Variants in TMEM131L observed in about 807,000 individuals in gnomAD.
The protein encoded by TMEM131L is transmembrane 131 like, also known as transmembrane protein 131-like.
A neutral mutation model predicts 192.2 loss-of-function variants in TMEM131L; 54 were observed. That is an observed-to-expected ratio of 0.28 (90% CI 0.23 to 0.35). TMEM131L has a LOEUF of 0.35. Ranked by LOEUF, TMEM131L falls within the 10% of genes least tolerant of loss-of-function variation. The pLI is 1.00. For synonymous variants in TMEM131L, 701 were observed against 704.9 expected (o/e 0.99, Z 0.09); for missense variants, 1,888 against 1,972.9 (o/e 0.96, Z 0.82).
rs538038202 is a variant in TMEM131L, at chr4:153,492,585, T to C, written c.239+18697T>C. 5.3e-5 allele frequency among the ~76,000 whole-genome samples: 8 copies of C among 152,264 alleles called. No homozygotes were observed. The South Asian group carries it at 1.2e-3, about 24-fold the overall frequency. On this transcript the variant is annotated intron_variant, in intron 3 of 34. Coordinates refer to ENST00000409959, the MANE Select transcript of TMEM131L (RefSeq NM_001131007.2). ...TGATTAGAAGAAAATATAATAGTAA[T>C]ATGAAACTGGCATGGCATGCCTGCT... is the stretch of plus-strand genomic sequence containing the variant.
intron 3 of TMEM131L, among the ~76,000 whole-genome samples, chr4:153,514,534 T>C (rs573496048): frequency 1.3e-5 from 2 of 152,328 alleles, no homozygotes; most frequent in Admixed American, 1.3e-4. Context: ...AGATTCTCTT[T>C]AAAGCCCTCT....
intron 3 of TMEM131L, among the ~76,000 whole-genome samples, chr4:153,526,180 C>T (rs1262620927): frequency 1.3e-5 from 2 of 152,130 alleles, no homozygotes; most frequent in Middle Eastern, 3.2e-3. Flanking sequence ...TTCTAACAGA[C>T]TCCCAGGCGA....
intron 3 of TMEM131L, among the ~76,000 whole-genome samples, chr4:153,476,590 G>C (rs986017591): frequency 6.6e-6 from 1 of 151,998 alleles, no homozygotes; most frequent in Non-Finnish European, 1.5e-5. Flanking sequence ...CCAGCTACTC[G>C]GGAGGCTGAG....
At position 153,593,831 on chromosome 4, in the gene TMEM131L, C is replaced by T; in HGVS notation, c.1955C>T (p.Thr652Ile). 6.2e-7 allele frequency: 1 copy of T among 1,613,664 alleles called. No individual in the cohort carries two copies. The highest frequency in any genetic ancestry group is 8.5e-7 in the Non-Finnish European group (1 of 1,179,606). Residue 652 changes from threonine to isoleucine, a missense_variant, in exon 19 of 35, where the codon ACA becomes ATA. By Grantham distance (89) the Thr-to-Ile change is moderately conservative. Coordinates refer to ENST00000409959, the MANE Select transcript of TMEM131L (RefSeq NM_001131007.2). ...FGTDMQMINF[T>I]TGEFQLTEAC... is the part of the protein sequence containing the mutation. ...ACTGATATGCAGATGATTAATTTCA[C>T]AACTGGTGAATTCCAGCTCACCGAA...
chr4:153,613,986 A>G (rs772911497), intron 26 of TMEM131L, among the ~76,000 whole-genome samples: 10 of 152,232 alleles, frequency 6.6e-5, no homozygotes, highest in Non-Finnish European at 1.3e-4. Context: ...ACCAAACACC[A>G]AGATTCATAG....
chr4:153,629,332 A>C (rs1334768539), intron 31 of TMEM131L, among the ~76,000 whole-genome samples: 1 of 152,156 alleles, frequency 6.6e-6, no homozygotes, highest in Non-Finnish European at 1.5e-5. Context: ...CCACCATGTC[A>C]TGCCATTCTC....
At chr4:153,544,515 C>T (rs1737026241) in intron 3 of TMEM131L, among the ~76,000 whole-genome samples, 1 of 152,216 alleles carries the variant, frequency 6.6e-6, no homozygotes, top group Admixed American at 6.5e-5. Context: ...TCCCTTACCC[C>T]TCACACTGGC....
chr4:153,534,792 A>G (rs1736188233), intron 3 of TMEM131L, among the ~76,000 whole-genome samples: 1 of 152,188 alleles, frequency 6.6e-6, no homozygotes, highest in South Asian at 2.1e-4. Context: ...TGGGTGAAGA[A>G]TGTTCCAGAT....
chr4:153,623,364 C>A (rs1266291607), intron 29 of TMEM131L, among the ~76,000 whole-genome samples: 2 of 152,214 alleles, frequency 1.3e-5, no homozygotes, highest in African/African-American at 4.8e-5. Context: ...CTTAATGACA[C>A]CGCATTTGCC....
At chr4:153,562,565 T>C (rs2150526278) in intron 7 of TMEM131L, among the ~76,000 whole-genome samples, 1 of 152,332 alleles carries the variant, frequency 6.6e-6, no homozygotes, top group Middle Eastern at 3.4e-3. Context: ...TTTTATGTTT[T>C]TTACTCTCTG....
intron 21 of TMEM131L, among the ~76,000 whole-genome samples, chr4:153,600,070 A>T (rs1017880993): frequency 6.6e-6 from 1 of 152,174 alleles, no homozygotes; most frequent in Non-Finnish European, 1.5e-5. Flanking sequence ...ATAAATCTTT[A>T]AAAATAACTA....
intron 26 of TMEM131L, among the ~76,000 whole-genome samples, chr4:153,614,474 C>G (rs1732837076): frequency 6.6e-6 from 1 of 152,106 alleles, no homozygotes; most frequent in Non-Finnish European, 1.5e-5. Flanking sequence ...TGCTTTGGCA[C>G]CTTTCTGCAG....
At chr4:153,471,833 T>TA (rs2149724096) in intron 2 of TMEM131L, among the ~76,000 whole-genome samples, 1 of 152,302 alleles carries the variant, frequency 6.6e-6, no homozygotes, top group East Asian at 1.9e-4. Flanking sequence ...TCTCCAGAGA[T>TA]ACAGTGATGA....
intron 7 of TMEM131L, chr4:153,558,587 A>G: frequency 2.9e-6 from 1 of 345,374 alleles, no homozygotes; most frequent in East Asian, 4.3e-5. Flanking sequence ...TGGTCTTTTG[A>G]AATGTTTCCT....
chr4:153,551,752 T>C (rs911579490), intron 4 of TMEM131L, among the ~76,000 whole-genome samples: 1 of 152,196 alleles, frequency 6.6e-6, no homozygotes, highest in African/African-American at 2.4e-5. Flanking sequence ...TTTATAAAAT[T>C]CTAGGTGTCT....
chr4:153,485,296 T>G (rs1393160413), intron 3 of TMEM131L, among the ~76,000 whole-genome samples: 1 of 152,164 alleles, frequency 6.6e-6, no homozygotes, highest in African/African-American at 2.4e-5. Flanking sequence ...CATCCCAGTT[T>G]GAGAAACATT....
chr4:153,553,754 G>C (rs1266689786), intron 4 of TMEM131L, among the ~76,000 whole-genome samples: 1 of 152,206 alleles, frequency 6.6e-6, no homozygotes, highest in Non-Finnish European at 1.5e-5. Flanking sequence ...GGGCTTATGT[G>C]AAGGGTTAAT....
intron 3 of TMEM131L, among the ~76,000 whole-genome samples, chr4:153,539,172 G>T (rs925191456): frequency 3.3e-5 from 5 of 152,038 alleles, no homozygotes; most frequent in African/African-American, 4.8e-5. Context: ...TCCCCCAAAA[G>T]GGGGGGAGGC....
At chr4:153,472,155 T>G (rs1252195120) in intron 2 of TMEM131L, among the ~76,000 whole-genome samples, 1 of 152,206 alleles carries the variant, frequency 6.6e-6, no homozygotes, top group African/African-American at 2.4e-5. Context: ...ATTAACACAC[T>G]AAACACTATG....
Sources: gnomAD v4.1 joint callset for allele counts (sites outside exome capture counted in the v4.1 genomes callset) on GRCh38, gnomAD v4.1.1 for gene constraint, MANE v1.5 for transcripts, NCBI Gene and HGNC (gene_info 2026-07-23, HGNC 2026-07-21) for gene names.